The following MDGA2 variants were observed in gnomAD, a reference collection of about 807,000 sequenced individuals.
The protein encoded by MDGA2 is MAM domain-containing glycosylphosphatidylinositol anchor protein 2.
MDGA2 carries 40 observed loss-of-function variants against 117.8 expected under a neutral mutation model. The observed-to-expected ratio is 0.34, with a 90% confidence interval of 0.26 to 0.44. The LOEUF (loss-of-function observed/expected upper bound fraction) is 0.44, where lower values mean the gene tolerates loss of function less well. Among genes scored for constraint, MDGA2 ranks in the 20% least tolerant of loss-of-function variants. The pLI is 1.00. For synonymous variants in MDGA2, 452 were observed against 439.0 expected, an observed-to-expected ratio of 1.03 and a Z score of -0.37; for missense variants, 1,123 against 1,250.6, an observed-to-expected ratio of 0.90 and a Z score of 1.54.
At chr14:47,600,270 A>C (rs1183717166) in intron 1 of MDGA2, among the ~76,000 whole-genome samples, 3 of 151,524 alleles carry the variant, frequency 2.0e-5, no homozygotes, top group Non-Finnish European at 4.4e-5. Context: ...ATTTTTTCGT[A>C]TTTTGTATTT....
Position 47,581,503 on chromosome 14 carries a change from G to T in MDGA2, c.280+93014C>A, listed in dbSNP as rs528038649. Among the ~76,000 whole-genome samples the T allele has an allele frequency of 1.4e-3, 216 of 152,098 alleles. 1 individual carries two copies. Among genetic ancestry groups the T allele is most frequent in the African/African-American group, 4.5e-3 (186 of 41,526 alleles). On this transcript the variant is annotated intron_variant, in intron 1 of 16. Coordinates refer to ENST00000399232, the MANE Select transcript of MDGA2 (RefSeq NM_001113498.3). ...TGAACTTAGCTGAGTAACATGGAAA[G>T]AACATAGAAAGTTCTACCGTATGAA...
chr14:46,961,162 G>A (rs1199696076), intron 8 of MDGA2, among the ~76,000 whole-genome samples: 1 of 151,958 alleles, frequency 6.6e-6, no homozygotes, highest in Non-Finnish European at 1.5e-5. Flanking sequence ...CTGTTCTGCA[G>A]TTTCAATATA....
chr14:47,577,983 G>A (rs1896147098), intron 1 of MDGA2, among the ~76,000 whole-genome samples: 1 of 152,094 alleles, frequency 6.6e-6, no homozygotes, highest in Admixed American at 6.6e-5. Flanking sequence ...GTTTACTGGA[G>A]AGCTATTTAC....
chr14:47,361,267 G>A (rs1197709290), intron 1 of MDGA2, among the ~76,000 whole-genome samples: 8 of 149,402 alleles, frequency 5.4e-5, no homozygotes, highest in African/African-American at 1.5e-4. Flanking sequence ...ACATCAGAGT[G>A]CTTGTGTGCG....
chr14:47,587,701 A>C (rs1896351796), intron 1 of MDGA2, among the ~76,000 whole-genome samples: 1 of 151,976 alleles, frequency 6.6e-6, no homozygotes, highest in African/African-American at 2.4e-5. Context: ...ACATATTTTT[A>C]ATAACAGCTC....
chr14:47,485,291 A>G (rs181958436), intron 1 of MDGA2, among the ~76,000 whole-genome samples: 47 of 152,260 alleles, frequency 3.1e-4, no homozygotes, highest in Admixed American at 2.6e-3. Flanking sequence ...GACTGGTTGC[A>G]TTTTGCCCCA....
chr14:46,941,874 A>C (rs151257532), intron 9 of MDGA2, among the ~76,000 whole-genome samples: 2 of 152,296 alleles, frequency 1.3e-5, no homozygotes, highest in East Asian at 3.9e-4. Flanking sequence ...ACTCAAAAGT[A>C]ATGTGAGCAA....
chr14:46,957,482 C>T lies in MDGA2; in HGVS notation c.1981G>A (p.Glu661Lys), dbSNP rs1199463095. The change falls in exon 9 of 17, where the codon GAA (glutamate) becomes AAA (lysine). Residue 661 changes from glutamate (E) to lysine (K), a missense_variant. Glu to Lys is a moderately conservative substitution (Grantham distance 56). Coordinates refer to ENST00000399232, the MANE Select transcript of MDGA2 (RefSeq NM_001113498.3). ...LLRTGQFDSQEYTEYAVKSLS... is the reference protein window; with the variant it reads ...LLRTGQFDSQKYTEYAVKSLS... ...CTCTTCACAGCGTACTCTGTGTATT[C>T]CTGAGAGTCAAATTGACCCGTCCGT... is the stretch of plus-strand genomic sequence containing the variant. 5.0e-6 allele frequency: 8 copies of T among 1,613,970 alleles called. No individual in the cohort carries two copies. The highest frequency in any genetic ancestry group is 2.2e-5 in the South Asian group (2 of 91,068).
intron 1 of MDGA2, among the ~76,000 whole-genome samples, chr14:47,534,544 C>G (rs1895167121): frequency 6.6e-6 from 1 of 152,142 alleles, no homozygotes; most frequent in Admixed American, 6.5e-5. Flanking sequence ...GAAACCGCCA[C>G]TTACAAAACC....
At chr14:47,525,895 A>G (rs1344348618) in intron 1 of MDGA2, among the ~76,000 whole-genome samples, 2 of 151,784 alleles carry the variant, frequency 1.3e-5, no homozygotes, top group Admixed American at 1.3e-4. Context: ...CTTGCTCTTC[A>G]CTTTCTAGAA....
At chr14:47,042,866 ACATT>A (rs1272543581) in intron 7 of MDGA2, among the ~76,000 whole-genome samples, 1 of 152,114 alleles carries the variant, frequency 6.6e-6, no homozygotes, top group East Asian at 1.9e-4. Context: ...AAACCTCCAT[ACATT>A]AATATTTGAA....
At position 46,857,205 on chromosome 14, in the gene MDGA2, T is replaced by C. The variant is rs140192441; in HGVS notation, c.2753-2051A>G. 2.6e-5 allele frequency among the ~76,000 whole-genome samples: 4 copies of C among 152,348 alleles called. No individual in the cohort carries two copies. The East Asian group carries it at 5.8e-4, about 22-fold the overall frequency. On this transcript the variant is annotated intron_variant, in intron 14 of 16. Coordinates refer to ENST00000399232, the MANE Select transcript of MDGA2 (RefSeq NM_001113498.3). Reference sequence around the variant, plus strand: ...TATGGCGTTTCAATTTCCACTTATTTCCATTTCTGGTGGTTTACATTTCTA... The same window carrying C: ...TATGGCGTTTCAATTTCCACTTATTCCCATTTCTGGTGGTTTACATTTCTA...
At chr14:47,172,739 C>A (rs554810664) in intron 3 of MDGA2, among the ~76,000 whole-genome samples, 1 of 152,162 alleles carries the variant, frequency 6.6e-6, no homozygotes, top group Non-Finnish European at 1.5e-5. Flanking sequence ...AAAAGCAGAG[C>A]GCCTCTCCTC....
chr14:46,932,884 AT>A (rs1434767831), intron 9 of MDGA2, among the ~76,000 whole-genome samples: 14 of 152,064 alleles, frequency 9.2e-5, no homozygotes, highest in African/African-American at 3.1e-4. Flanking sequence ...CGAGAAATAT[AT>A]AAAAAGATTT....
intron 1 of MDGA2, among the ~76,000 whole-genome samples, chr14:47,438,418 T>C (rs1020332942): frequency 1.3e-5 from 2 of 152,168 alleles, no homozygotes; most frequent in Non-Finnish European, 2.9e-5. Context: ...AAACTCTGTG[T>C]TCTGACCTTG....
At chr14:47,018,934 A>G (rs1358734380) in intron 8 of MDGA2, among the ~76,000 whole-genome samples, 1 of 152,122 alleles carries the variant, frequency 6.6e-6, no homozygotes, top group Non-Finnish European at 1.5e-5. Context: ...CTGTGTTCAC[A>G]TGGCACCTCT....
At chr14:47,508,656 C>G (rs1196023628) in intron 1 of MDGA2, among the ~76,000 whole-genome samples, 1 of 151,952 alleles carries the variant, frequency 6.6e-6, no homozygotes, top group South Asian at 2.1e-4. Flanking sequence ...AAGTCTTGTG[C>G]ATAAAGGAAC....
At chr14:47,521,412 C>G (rs1402079163) in intron 1 of MDGA2, among the ~76,000 whole-genome samples, 1 of 152,092 alleles carries the variant, frequency 6.6e-6, no homozygotes, top group African/African-American at 2.4e-5. Flanking sequence ...TTATTAAATC[C>G]TGACCTTGCC....
At chr14:47,560,072 A>AT (rs74632367) in intron 1 of MDGA2, among the ~76,000 whole-genome samples, 6,862 of 140,246 alleles carry the variant, frequency 0.049, 473 homozygotes, top group African/African-American at 0.15. Context: ...TTATCTTAGG[A>AT]TTTTTTTTTT....
Sources: allele counts gnomAD v4.1 joint callset (sites outside exome capture counted in the v4.1 genomes callset), GRCh38; gene constraint gnomAD v4.1.1; transcripts MANE v1.5; gene names NCBI Gene and HGNC (gene_info 2026-07-23, HGNC 2026-07-21).